DSCAM: variants seen among roughly 807,000 people sequenced by gnomAD.
DSCAM encodes DS cell adhesion molecule, also known as cell adhesion molecule DSCAM.
A neutral mutation model predicts 217.7 loss-of-function variants in DSCAM; 47 were observed. The observed-to-expected ratio is 0.22, with a 90% confidence interval of 0.17 to 0.28. The LOEUF (loss-of-function observed/expected upper bound fraction) is 0.28. DSCAM is among the 10% of genes least tolerant of loss of function. The pLI is 1.00. For missense variants in DSCAM, 2,080 were observed against 2,618.3 expected (o/e 0.79, Z 4.49); for synonymous variants, 1,056 against 1,015.3 (o/e 1.04, Z -0.76).
chr21:40,165,846 G>C (rs1426473854), intron 16 of DSCAM, among the ~76,000 whole-genome samples: 1 of 152,158 alleles, frequency 6.6e-6, no homozygotes, highest in Non-Finnish European at 1.5e-5. Context: ...GTAGAGTGGC[G>C]GGAATGCGTG....
At chr21:40,209,500 T>C (rs1035554069) in intron 11 of DSCAM, among the ~76,000 whole-genome samples, 5 of 152,136 alleles carry the variant, frequency 3.3e-5, no homozygotes, top group Admixed American at 2.6e-4. Flanking sequence ...CCCTGACCAC[T>C]CTCTCCTGAG....
intron 3 of DSCAM, among the ~76,000 whole-genome samples, chr21:40,688,025 C>T (rs1342645688): frequency 3.9e-5 from 6 of 152,122 alleles, no homozygotes; most frequent in Non-Finnish European, 8.8e-5. Flanking sequence ...AGCCAAAATA[C>T]AGAAAGAAGA....
intron 3 of DSCAM, among the ~76,000 whole-genome samples, chr21:40,456,675 ATTGTGAATACACAATACAAAAAT>A (rs1359970850): frequency 4.4e-5 from 3 of 68,202 alleles, no homozygotes; most frequent in African/African-American, 1.5e-4. Context: ...TACAAAAATT[ATTGTGAATACACAATACAAAAAT>A]TATTGTGAAT....
At chr21:40,182,504 GGAGGCACCGGAGAAACTGTGGACAGCAGA>G (rs1601416215) in intron 14 of DSCAM, among the ~76,000 whole-genome samples, 1 of 151,746 alleles carries the variant, frequency 6.6e-6, no homozygotes, top group Non-Finnish European at 1.5e-5. Context: ...TGGACAGGAC[GGAGGCACCGGAGAAACTGTGGACAGCAGA>G]GGCCAACAGA....
At chr21:40,783,680 G>A (rs1454879330) in intron 1 of DSCAM, among the ~76,000 whole-genome samples, 1 of 152,190 alleles carries the variant, frequency 6.6e-6, no homozygotes, top group Admixed American at 6.5e-5. Context: ...CAATGGAGTG[G>A]ACAGCACCAG....
At chr21:40,133,370 A>T (rs1219613002) in intron 19 of DSCAM, among the ~76,000 whole-genome samples, 3 of 152,240 alleles carry the variant, frequency 2.0e-5, no homozygotes, top group Non-Finnish European at 2.9e-5. Flanking sequence ...AATTAAAAAA[A>T]ATTAACATGA....
At chr21:40,039,171 A>C (rs2088692941) in intron 32 of DSCAM, among the ~76,000 whole-genome samples, 3 of 99,468 alleles carry the variant, frequency 3.0e-5, no homozygotes, top group African/African-American at 1.0e-4. Context: ...GTATAATAAT[A>C]AAGAAAAGAA....
intron 30 of DSCAM, among the ~76,000 whole-genome samples, chr21:40,044,513 C>CAGA (rs2088812111): frequency 6.6e-6 from 1 of 152,158 alleles, no homozygotes; most frequent in Admixed American, 6.5e-5. Flanking sequence ...TACTTGGATT[C>CAGA]AGAAGTTACA....
chr21:40,288,399 G>T (rs1400355666), intron 10 of DSCAM, among the ~76,000 whole-genome samples: 3 of 151,908 alleles, frequency 2.0e-5, no homozygotes, highest in East Asian at 1.9e-4. Context: ...CAGATTTTTT[G>T]GAAACTTGAT....
intron 3 of DSCAM, among the ~76,000 whole-genome samples, chr21:40,676,841 GA>G (rs1455664904): frequency 2.6e-5 from 4 of 151,978 alleles, no homozygotes; most frequent in Non-Finnish European, 5.9e-5. Flanking sequence ...CTTTTTTAAA[GA>G]ACAAATTACT....
At chr21:40,739,950 T>C (rs1389364483) in intron 1 of DSCAM, among the ~76,000 whole-genome samples, 3 of 130,896 alleles carry the variant, frequency 2.3e-5, no homozygotes, top group Non-Finnish European at 4.7e-5. Flanking sequence ...ATGATGCAGG[T>C]GTAATTTTTT....
At chr21:40,408,487 C>A (rs560365822) in intron 3 of DSCAM, among the ~76,000 whole-genome samples, 1 of 152,158 alleles carries the variant, frequency 6.6e-6, no homozygotes, top group East Asian at 1.9e-4. Flanking sequence ...ATCTGGGCAT[C>A]ACATTCAGTT....
intron 1 of DSCAM, among the ~76,000 whole-genome samples, chr21:40,819,320 C>T (rs778377509): frequency 5.9e-5 from 9 of 152,212 alleles, no homozygotes; most frequent in Non-Finnish European, 1.2e-4. Context: ...CTGTGCTGGG[C>T]TGCACCCAGG....
intron 10 of DSCAM, among the ~76,000 whole-genome samples, chr21:40,290,348 T>C (rs1477897554): frequency 6.6e-6 from 1 of 152,096 alleles, no homozygotes; most frequent in Non-Finnish European, 1.5e-5. Context: ...TCAGGGCAGG[T>C]GCGGTGGCTC....
chr21:40,846,662 G>A lies in DSCAM; in HGVS notation c.-1C>T. ...ACAAGGAGAGAGCCAGTATCCACAT[G>A]CCCCTGCCGCTCCCCGGCCTCCCGC... On this transcript the variant is annotated 5_prime_UTR_variant, in exon 1 of 33. Transcript: ENST00000400454. 1 of 1,217,498 alleles carries A rather than the reference G, an allele frequency of 8.2e-7. No individual in the cohort carries two copies. Among genetic ancestry groups the A allele is most frequent in the Non-Finnish European group, 1.0e-6 (1 of 967,822 alleles). 75.4% of individuals were successfully genotyped at this position (1,217,498 alleles called of 1,614,324 possible).
At chr21:40,754,654 A>T (rs1202433208) in intron 1 of DSCAM, among the ~76,000 whole-genome samples, 1 of 152,164 alleles carries the variant, frequency 6.6e-6, no homozygotes, top group Non-Finnish European at 1.5e-5. Context: ...TCACCTGCCA[A>T]AGAGAGTCCT....
chr21:40,473,281 G>A (rs2075904715), intron 3 of DSCAM, among the ~76,000 whole-genome samples: 1 of 152,290 alleles, frequency 6.6e-6, no homozygotes, highest in African/African-American at 2.4e-5. Context: ...TTTGGACCTA[G>A]AGGTGGTTAA....
intron 3 of DSCAM, among the ~76,000 whole-genome samples, chr21:40,486,153 C>T (rs918267538): frequency 5.3e-5 from 8 of 152,096 alleles, no homozygotes; most frequent in Admixed American, 3.9e-4. Flanking sequence ...AAGGAGAGAC[C>T]CCTATCCACT....
intron 3 of DSCAM, among the ~76,000 whole-genome samples, chr21:40,650,399 G>A (rs1017887128): frequency 6.6e-6 from 1 of 152,216 alleles, no homozygotes; most frequent in African/African-American, 2.4e-5. Flanking sequence ...TGGGTTAAGA[G>A]ATGCCCAGAT....
Sources: gnomAD v4.1 joint callset for allele counts (sites outside exome capture counted in the v4.1 genomes callset) on GRCh38, gnomAD v4.1.1 for gene constraint, MANE v1.5 for transcripts, NCBI Gene and HGNC (gene_info 2026-07-23, HGNC 2026-07-21) for gene names.